The following DELE1 variants were observed in gnomAD, a reference collection of about 807,000 sequenced individuals.
DELE1 encodes the protein DAP3 binding cell death enhancer 1, also known as death ligand signal enhancer.
Under a neutral mutation model 59.3 loss-of-function variants are expected in DELE1, and 54 were observed. The observed-to-expected ratio is 0.91, with a 90% CI of 0.73 to 1.14. The LOEUF (loss-of-function observed/expected upper bound fraction) is 1.14, where lower values mean the gene tolerates loss of function less well. Ranked by LOEUF, DELE1 falls within the 50% of genes most tolerant of loss-of-function variation. The pLI is 0.00. For missense variants in DELE1, 636 were observed against 643.9 expected, an observed-to-expected ratio of 0.99 and a Z score of 0.13; for synonymous variants, 264 against 259.1, an observed-to-expected ratio of 1.02 and a Z score of -0.18.
At position 141,934,413 on chromosome 5, in the gene DELE1, C is replaced by G; in HGVS notation, c.1056+15C>G. Reference sequence around the variant, plus strand: ...GCTTGAGAGAGGTGAGTGCCATTGGCAGGGTCTGTTCAAGGTCTCTGAGGC... The same window carrying G: ...GCTTGAGAGAGGTGAGTGCCATTGGGAGGGTCTGTTCAAGGTCTCTGAGGC... On this transcript the variant is annotated intron_variant, in intron 9 of 11. Coordinates refer to ENST00000432126, the MANE Select transcript of DELE1 (RefSeq NM_014773.5). 6.2e-7 allele frequency: 1 copy of G among 1,614,198 alleles called. No individual in the cohort carries two copies. The highest frequency in any genetic ancestry group is 8.5e-7 in the Non-Finnish European group (1 of 1,180,012).
Position 141,923,959 on chromosome 5 carries a change from A to G in DELE1, c.18A>G (p.Gly6=). Residue 6 remains glycine, a synonymous_variant, in exon 1 of 12, where the codon GGA becomes GGG. Transcript: ENST00000432126. MWRLP[G]LLGRALPRTL... ...GCAGCGACATGTGGCGCCTCCCGGGACTCCTGGGCCGAGGTAAGGGACGTC... is the reference window on the plus strand; with the variant it reads ...GCAGCGACATGTGGCGCCTCCCGGGGCTCCTGGGCCGAGGTAAGGGACGTC... 1.2e-6 allele frequency: 2 copies of G among 1,608,336 alleles called. No individual in the cohort carries two copies. Among genetic ancestry groups the G allele is most frequent in the Non-Finnish European group, 1.7e-6 (2 of 1,178,008 alleles).
rs139218438 is a variant in DELE1, at chr5:141,925,465, G to A, written c.202G>A (p.Asp68Asn). ...SGGPRSHGWK[D>N]AFQWMSSRVS... is the part of the protein sequence containing the mutation. The stretch of plus-strand genomic sequence containing the variant: ...GGGTCCAAGGTCCCATGGATGGAAG[G>A]ATGCCTTCCAATGGATGTCTTCCCG... The change falls in exon 3 of 12, where the codon GAT becomes AAT. Residue 68 changes from aspartate (D) to asparagine (N), a missense_variant. Coordinates refer to ENST00000432126, the MANE Select transcript of DELE1 (RefSeq NM_014773.5). The A allele has an allele frequency of 3.7e-6, 6 of 1,604,448 alleles. No homozygotes were observed. Among genetic ancestry groups the A allele is most frequent in the African/African-American group, 1.3e-5 (1 of 74,240 alleles).
chr5:141,939,129 C>A lies in DELE1; in HGVS notation c.*370C>A. On this transcript the variant is annotated 3_prime_UTR_variant, in exon 12 of 12. Coordinates refer to ENST00000432126, the MANE Select transcript of DELE1 (RefSeq NM_014773.5). ...TTTTCTCACACTTAAATCTGTACTACTGTTTGCCAATGTCTGATGTGTGTA... is the reference window on the plus strand; with the variant it reads ...TTTTCTCACACTTAAATCTGTACTAATGTTTGCCAATGTCTGATGTGTGTA... 1 of 1,010,294 alleles carries A rather than the reference C, an allele frequency of 9.9e-7. No individual in the cohort carries two copies. The highest frequency in any genetic ancestry group is 1.2e-6 in the Non-Finnish European group (1 of 845,158). The allele number at this position is 1,010,294 out of a possible 1,614,324, so 62.6% of individuals were successfully genotyped here. A position where few individuals can be genotyped will look rare whatever the true frequency, so the allele number is the denominator to read the frequency against.
At chr5:141,925,210 G>A (rs1751297617) in intron 2 of DELE1, among the ~76,000 whole-genome samples, 200 bp from the exon 3 acceptor site, 1 of 152,016 alleles carries the variant, frequency 6.6e-6, no homozygotes. Flanking sequence ...ATTACAGTGT[G>A]AGCCACTGTA....
At chr5:141,924,088 C>G in intron 1 of DELE1, 116 bp downstream of exon 1, 6 of 1,381,270 alleles carry the variant, frequency 4.3e-6, no homozygotes, top group Admixed American at 2.0e-5. Flanking sequence ...CCAAGGAAGG[C>G]GGGGCTTGAA....
Position 141,933,355 on chromosome 5 carries a change from G to C in DELE1, c.851G>C (p.Gly284Ala). 6.5e-7 allele frequency: 1 copy of C among 1,533,076 alleles called. No individual in the cohort carries two copies. Among genetic ancestry groups the C allele is most frequent in the Non-Finnish European group, 8.9e-7 (1 of 1,124,184 alleles). The allele number at this position is 1,533,076 out of a possible 1,614,324, so 95.0% of individuals were successfully genotyped here. A position where few individuals can be genotyped will look rare whatever the true frequency, so the allele number is the denominator to read the frequency against. ...RGYSKAQYNA[G>A]LCHEHGRGTP... ...TACAGCAAAGCGCAGTACAATGCGGGCTTGTGTCATGAGCATGGCAGAGGC... is the reference window on the plus strand; with the variant it reads ...TACAGCAAAGCGCAGTACAATGCGGCCTTGTGTCATGAGCATGGCAGAGGC... The change falls in exon 8 of 12, where the codon GGC (glycine) becomes GCC (alanine). Residue 284 changes from glycine (G) to alanine (A), a missense_variant. Physicochemically the swap from Gly to Ala is moderately conservative, Grantham distance 60. Transcript: ENST00000432126.
At chr5:141,934,851 A>G in intron 10 of DELE1, 1 of 500,764 alleles carries the variant, frequency 2.0e-6, no homozygotes, top group Non-Finnish European at 3.6e-6. Flanking sequence ...AAATTGCTAA[A>G]TGCCATAAAA....
intron 10 of DELE1, among the ~76,000 whole-genome samples, chr5:141,936,388 A>G (rs943322527): frequency 4.6e-5 from 7 of 152,184 alleles, no homozygotes; most frequent in African/African-American, 1.7e-4. Flanking sequence ...GAGGAGAGAC[A>G]ATCGAGGATC....
chr5:141,941,108 G>A lies in DELE1; in HGVS notation c.*2349G>A, dbSNP rs575428004. On this transcript the variant is annotated 3_prime_UTR_variant, in exon 12 of 12. Transcript: ENST00000432126. The stretch of plus-strand genomic sequence containing the variant: ...TGAAATGTCACCGTGTGCCCTCCCT[G>A]TGGAGCCCCACTCCCCAGCCTCCTC... 86 of 985,422 alleles carry A rather than the reference G, an allele frequency of 8.7e-5. No individual in the cohort carries two copies. The African/African-American group carries it at 1.4e-3, about 16-fold the overall frequency. 61.0% of individuals were successfully genotyped at this position (985,422 alleles called of 1,614,324 possible). A position where few individuals can be genotyped will look rare whatever the true frequency, so the allele number is the denominator to read the frequency against.
At position 141,929,680 on chromosome 5, in the gene DELE1, C is replaced by T. The variant is rs1751731421; in HGVS notation, c.511C>T (p.Pro171Ser). ...TGGCCAGGAAGAAGCCTCAGCTCAG[C>T]CCCGGAACTTCTCACACAACTCTTT... ...RLGQEEASAQ[P>S]RNFSHNSLRG... is the part of the protein sequence containing the mutation. Residue 171 changes from proline (P) to serine (S), a missense_variant, in exon 5 of 12, where the codon CCC (proline) becomes TCC (serine). By Grantham distance (74) the Pro-to-Ser change is moderately conservative (BLOSUM62 -1). Coordinates refer to ENST00000432126, the MANE Select transcript of DELE1 (RefSeq NM_014773.5). 11 of 1,614,098 alleles carry T rather than the reference C, an allele frequency of 6.8e-6. No individual in the cohort carries two copies. Among genetic ancestry groups the T allele is most frequent in the Non-Finnish European group, 8.5e-6 (10 of 1,180,046 alleles).
intron 2 of DELE1, 21 bp downstream of exon 2, chr5:141,924,716 C>T (rs1751231546): frequency 4.2e-6 from 6 of 1,413,060 alleles, no homozygotes; most frequent in Non-Finnish European, 6.0e-6. Flanking sequence ...GCCATTTTAC[C>T]ACTCATTTCC....
intron 11 of DELE1, among the ~76,000 whole-genome samples, 157 bp from the exon 12 acceptor site, chr5:141,938,364 C>G (rs748522434): frequency 3.9e-5 from 6 of 152,158 alleles, no homozygotes; most frequent in Non-Finnish European, 5.9e-5. Context: ...GCCTGAATTA[C>G]CCTTCTAGGG....
intron 7 of DELE1, among the ~76,000 whole-genome samples, chr5:141,931,959 A>G (rs924904594): frequency 8.5e-5 from 13 of 152,194 alleles, no homozygotes; most frequent in African/African-American, 3.1e-4. Context: ...TTGCATTTGT[A>G]TGGCGCCTTC....
In DELE1 at chr5:141,939,454, G is replaced by C. The variant is rs142671223; in HGVS notation, c.*695G>C. 746 of 985,816 alleles carry C rather than the reference G, an allele frequency of 7.6e-4. 5 individuals carry two copies. In the African/African-American group the frequency reaches 0.011, roughly 15 times the overall value. 61.1% of individuals were successfully genotyped at this position (985,816 alleles called of 1,614,324 possible). On this transcript the variant is annotated 3_prime_UTR_variant, in exon 12 of 12. Transcript: ENST00000432126. ...CGAGACTAGCCCACCATTCACCTCTGTTCATCCCCCGTGGGCTCATAATCG... is the reference window on the plus strand; with the variant it reads ...CGAGACTAGCCCACCATTCACCTCTCTTCATCCCCCGTGGGCTCATAATCG...
At chr5:141,937,663 C>T (rs934722176) in intron 11 of DELE1, among the ~76,000 whole-genome samples, 1 of 146,204 alleles carries the variant, frequency 6.8e-6, no homozygotes, top group Non-Finnish European at 1.5e-5. Flanking sequence ...CCCAGCTACT[C>T]GGGAGGCTGA....
chr5:141,941,596 A>C lies in DELE1; in HGVS notation c.*2837A>C. Reference sequence around the variant, plus strand: ...CGAGAGGGAGGTGGCTCCCATCAGCAGGGCCAGCCTGGGTCAGGATGCTGG... The same window carrying C: ...CGAGAGGGAGGTGGCTCCCATCAGCCGGGCCAGCCTGGGTCAGGATGCTGG... On this transcript the variant is annotated 3_prime_UTR_variant, in exon 12 of 12. Transcript: ENST00000432126. 1 of 985,492 alleles carries C rather than the reference A, an allele frequency of 1.0e-6. No homozygotes were observed. The highest frequency in any genetic ancestry group is 4.7e-5 in the South Asian group (1 of 21,282). The allele number at this position is 985,492 out of a possible 1,614,324, so 61.0% of individuals were successfully genotyped here.
intron 5 of DELE1, 44 bp downstream of exon 5, chr5:141,929,784 G>T: frequency 6.2e-7 from 1 of 1,608,012 alleles, no homozygotes; most frequent in South Asian, 1.1e-5. Flanking sequence ...AGGGGGCGGT[G>T]GTGGTGAGCT....
chr5:141,934,266 C>G lies in DELE1; in HGVS notation c.924C>G (p.Ala308=). 6.2e-7 allele frequency: 1 copy of G among 1,611,250 alleles called. No homozygotes were observed. The highest frequency in any genetic ancestry group is 8.5e-7 in the Non-Finnish European group (1 of 1,177,996). Residue 308 remains alanine, a synonymous_variant, in exon 9 of 12, where the codon GCC becomes GCG. Transcript: ENST00000432126. ...SKAVLYYQLA[A]SQGHSLAQYR... is the part of the protein sequence containing the mutation. ...CGGTCCTTTATTATCAGTTGGCTGC[C>G]AGCCAGGGCCACAGCCTGGCTCAGT...
In DELE1 at chr5:141,937,770, C is replaced by CAA. The variant is rs1172381549; in HGVS notation, c.1309+432_1309+433dup. 1.3e-3 allele frequency among the ~76,000 whole-genome samples: 82 copies of CAA among 61,246 alleles called. 6 individuals carry two copies. Among genetic ancestry groups the CAA allele is most frequent in the African/African-American group, 5.0e-3 (72 of 14,430 alleles). The allele number at this position is 61,246 out of a possible 152,430, so 40.2% of individuals were successfully genotyped here. On this transcript the variant is annotated intron_variant, in intron 11 of 11. Transcript: ENST00000432126. ...TGGGTGACAGAGCAAGATTCTGTTT[C>CAA]AAAAAAAAAAAAAAAAAAAAGAATG...
Sources: allele counts gnomAD v4.1 joint callset (sites outside exome capture counted in the v4.1 genomes callset), GRCh38; gene constraint gnomAD v4.1.1; transcripts MANE v1.5; gene names NCBI Gene and HGNC (gene_info 2026-07-23, HGNC 2026-07-21).